Variants in B4GALNT2 observed in about 807,000 individuals in gnomAD.
B4GALNT2 encodes beta-1,4-N-acetyl-galactosaminyltransferase 2 (SID blood group).
A neutral mutation model predicts 51.1 loss-of-function variants in B4GALNT2; 42 were observed. The ratio of observed to expected loss-of-function variants is 0.82; its 90% confidence interval spans 0.64 to 1.06. B4GALNT2 has a LOEUF of 1.06. Among genes scored for constraint, B4GALNT2 ranks in the 50% least tolerant of loss-of-function variants. The pLI is 0.00. For missense variants in B4GALNT2, 602 were observed against 633.6 expected, an observed-to-expected ratio of 0.95 and a Z score of 0.54; for synonymous variants, 253 against 251.7, an observed-to-expected ratio of 1.01 and a Z score of -0.05.
In B4GALNT2 at chr17:49,169,897, G is replaced by A; in HGVS notation, c.*169G>A. The A allele has an allele frequency of 1.6e-6, 1 of 607,160 alleles. No homozygotes were observed. The highest frequency in any genetic ancestry group is 2.7e-6 in the Non-Finnish European group (1 of 368,702). 37.6% of individuals were successfully genotyped at this position (607,160 alleles called of 1,614,324 possible). A position where few individuals can be genotyped will look rare whatever the true frequency, so the allele number is the denominator to read the frequency against. ...TACCAATCAAAGGTGAAGGGTCACTGGAAATGAACCAGTCACTGACCAGGG... is the reference window on the plus strand; with the variant it reads ...TACCAATCAAAGGTGAAGGGTCACTAGAAATGAACCAGTCACTGACCAGGG... On this transcript the variant is annotated 3_prime_UTR_variant, in exon 11 of 11. Transcript: ENST00000393354.
intron 3 of B4GALNT2, among the ~76,000 whole-genome samples, chr17:49,147,190 A>G (rs530988784): frequency 3.0e-4 from 46 of 152,248 alleles, no homozygotes; most frequent in African/African-American, 1.1e-3. Flanking sequence ...GAAATTACAA[A>G]TAGAGCTTGA....
At chr17:49,168,292 G>T (rs536389020) in intron 9 of B4GALNT2, among the ~76,000 whole-genome samples, 61 of 152,176 alleles carry the variant, frequency 4.0e-4, no homozygotes, top group Non-Finnish European at 6.3e-4. Flanking sequence ...ACAGCTCCCT[G>T]CAAGAAATCT....
intron 3 of B4GALNT2, among the ~76,000 whole-genome samples, chr17:49,147,682 A>G (rs1489009523): frequency 6.6e-6 from 1 of 151,908 alleles, no homozygotes; most frequent in African/African-American, 2.4e-5. Context: ...GGCCAGAAAA[A>G]GTCCATTTTA....
At chr17:49,169,210 C>T (rs2042938834) in intron 10 of B4GALNT2, among the ~76,000 whole-genome samples, 1 of 152,118 alleles carries the variant, frequency 6.6e-6, no homozygotes. Flanking sequence ...GAAATCCTTT[C>T]CTATTAACTG....
intron 1 of B4GALNT2, 192 bp downstream of exon 1, chr17:49,132,998 G>T (rs369437724): frequency 4.9e-4 from 714 of 1,452,306 alleles, no homozygotes; most frequent in Middle Eastern, 5.6e-4. Context: ...GTGACGGCGC[G>T]TGCGGAACGA....
upstream of B4GALNT2, among the ~76,000 whole-genome samples, chr17:49,131,872 C>T (rs1215938861): frequency 6.6e-6 from 1 of 152,164 alleles, no homozygotes; most frequent in Non-Finnish European, 1.5e-5. Flanking sequence ...GTGGCTCACA[C>T]CCGTAATCCT....
rs772904687 is a variant in B4GALNT2, at chr17:49,133,132, C to CG, written c.14+329dup. On this transcript the variant is annotated intron_variant, in intron 1 of 10. Transcript: ENST00000393354. Reference sequence around the variant, plus strand: ...GAGTGTGGGAATCGGCTCGGGAGTGCGGGCTTCGGGGCTCTCTGCTTGGAA... The same window carrying CG: ...GAGTGTGGGAATCGGCTCGGGAGTGCGGGGCTTCGGGGCTCTCTGCTTGGAA... 3 of 1,525,598 alleles carry CG rather than the reference C, an allele frequency of 2.0e-6. No individual in the cohort carries two copies. In the African/African-American group the frequency reaches 4.4e-5, roughly 22 times the overall value. 94.5% of individuals were successfully genotyped at this position (1,525,598 alleles called of 1,614,324 possible). A position where few individuals can be genotyped will look rare whatever the true frequency, so the allele number is the denominator to read the frequency against.
chr17:49,161,751 G>A (rs1424807076), intron 7 of B4GALNT2, among the ~76,000 whole-genome samples: 1 of 151,318 alleles, frequency 6.6e-6, no homozygotes, highest in East Asian at 2.0e-4. Flanking sequence ...CAGCTACTGG[G>A]GAGGCTGAGG....
chr17:49,124,634 T>A, the B4GALNT2 span, among the ~76,000 whole-genome samples: 77,553 of 151,994 alleles, frequency 0.51, 20,178 homozygotes, highest in Middle Eastern at 0.62. Context: ...CTATTTGACA[T>A]TGCTTCCTGT....
intron 1 of B4GALNT2, among the ~76,000 whole-genome samples, chr17:49,134,368 A>C (rs2144265944): frequency 6.6e-6 from 1 of 152,346 alleles, no homozygotes; most frequent in Non-Finnish European, 1.5e-5. Flanking sequence ...TGTTGGGAGC[A>C]AACATTCAAT....
In B4GALNT2 at chr17:49,171,544, T is replaced by C; in HGVS notation, c.*1816T>C. The C allele has an allele frequency of 2.4e-6, 1 of 414,836 alleles. No individual in the cohort carries two copies. Among genetic ancestry groups the C allele is most frequent in the East Asian group, 7.2e-5 (1 of 13,904 alleles). The allele number at this position is 414,836 out of a possible 1,614,324, so 25.7% of individuals were successfully genotyped here. On this transcript the variant is annotated 3_prime_UTR_variant, in exon 11 of 11. Coordinates refer to ENST00000393354, the MANE Select transcript of B4GALNT2 (RefSeq NM_001159387.2). The stretch of plus-strand genomic sequence containing the variant: ...AATAGTTTCCACAAATCCTTATGTT[T>C]AGCTTCTACAGTGGACCATATCATT...
At chr17:49,134,082 A>T (rs61543910) in intron 1 of B4GALNT2, among the ~76,000 whole-genome samples, 16,069 of 152,146 alleles carry the variant, frequency 0.11, 1,299 homozygotes, top group African/African-American at 0.23. Context: ...CCACTCCACA[A>T]TCCTTCATGG....
At chr17:49,144,821 A>G (rs2042677937) in intron 3 of B4GALNT2, among the ~76,000 whole-genome samples, 1 of 152,200 alleles carries the variant, frequency 6.6e-6, no homozygotes, top group South Asian at 2.1e-4. Context: ...ATTAACTTAC[A>G]TGATCACAAG....
chr17:49,127,683 C>T (rs1396691921), upstream of B4GALNT2, among the ~76,000 whole-genome samples: 2 of 152,006 alleles, frequency 1.3e-5, no homozygotes, highest in Non-Finnish European at 2.9e-5. Context: ...CTGGTGAGGC[C>T]CTTTAAAAAC....
chr17:49,136,403 C>T (rs1431610837), intron 1 of B4GALNT2, among the ~76,000 whole-genome samples: 8 of 151,538 alleles, frequency 5.3e-5, no homozygotes, highest in Non-Finnish European at 1.0e-4. Context: ...GGCATACAAT[C>T]GAATAAAGTT....
At chr17:49,140,137 C>T (rs1359647390) in intron 1 of B4GALNT2, among the ~76,000 whole-genome samples, 1 of 150,860 alleles carries the variant, frequency 6.6e-6, no homozygotes, top group Admixed American at 6.6e-5. Context: ...ATCTCTCTCT[C>T]TTGCCCAGGC....
At chr17:49,152,658 G>A (rs1240212091) in intron 3 of B4GALNT2, 142 bp from the exon 4 acceptor site, 4 of 587,152 alleles carry the variant, frequency 6.8e-6, no homozygotes, top group African/African-American at 3.9e-5. Flanking sequence ...CCTGGGTGAC[G>A]AGAATGGAGG....
At chr17:49,132,762 A>G, upstream of B4GALNT2, 1 of 1,390,272 alleles carries the variant, frequency 7.2e-7, no homozygotes, top group Non-Finnish European at 9.3e-7. Flanking sequence ...GCTCCGTGAC[A>G]TCCGGCAGTC....
At chr17:49,130,300 T>A (rs941399164), upstream of B4GALNT2, among the ~76,000 whole-genome samples, 4 of 152,208 alleles carry the variant, frequency 2.6e-5, no homozygotes, top group African/African-American at 9.7e-5. Flanking sequence ...TTATTTCGAA[T>A]GCGAATCTGC....
Sources: gnomAD v4.1 joint callset for allele counts (sites outside exome capture counted in the v4.1 genomes callset) on GRCh38, gnomAD v4.1.1 for gene constraint, MANE v1.5 for transcripts, NCBI Gene and HGNC (gene_info 2026-07-23, HGNC 2026-07-21) for gene names.